The following IL1RAPL1 variants were observed in gnomAD, a reference collection of about 807,000 sequenced individuals.
IL1RAPL1 encodes the protein interleukin-1 receptor accessory protein-like 1.
IL1RAPL1 carries 3 observed loss-of-function variants against 48.4 expected under a neutral mutation model. The observed-to-expected ratio is 0.06, with a 90% CI of 0.03 to 0.16. IL1RAPL1 has a LOEUF of 0.16. Among genes scored for constraint, IL1RAPL1 ranks in the 10% least tolerant of loss-of-function variants. The probability of loss-of-function intolerance (pLI) is 1.00; values close to 1 mark genes in which losing one functional copy is unlikely to be tolerated. For synonymous variants in IL1RAPL1, 185 were observed against 187.7 expected (o/e 0.99, Z 0.12); for missense variants, 349 against 530.6 (o/e 0.66, Z 3.36).
intron 1 of IL1RAPL1, among the ~76,000 whole-genome samples, chrX:28,620,822 T>C (rs1314182406): frequency 8.9e-6 from 1 of 112,161 alleles, no homozygotes; most frequent in Non-Finnish European, 1.9e-5. Flanking sequence ...AGGCATCAAC[T>C]TCATTTACCT....
At chrX:28,824,452 C>A (rs1936970507) in intron 2 of IL1RAPL1, among the ~76,000 whole-genome samples, 1 of 110,789 alleles carries the variant, frequency 9.0e-6, no homozygotes, top group African/African-American at 3.3e-5. Flanking sequence ...ACCACAAATC[C>A]TATGTGTCTC....
intron 5 of IL1RAPL1, among the ~76,000 whole-genome samples, chrX:29,566,001 T>C (rs1922389293): frequency 9.1e-6 from 1 of 109,386 alleles, no homozygotes; most frequent in South Asian, 3.9e-4. Context: ...CAGGCTAGAG[T>C]GCAGCGTCGC....
intron 5 of IL1RAPL1, among the ~76,000 whole-genome samples, chrX:29,486,946 T>C (rs1269068351): frequency 9.0e-6 from 1 of 111,664 alleles, no homozygotes; most frequent in Admixed American, 9.5e-5. Context: ...CAACAACAAA[T>C]TGTGATTCAG....
At chrX:29,391,068 G>A (rs1244131628) in intron 3 of IL1RAPL1, among the ~76,000 whole-genome samples, 2 of 110,269 alleles carry the variant, frequency 1.8e-5, no homozygotes, top group African/African-American at 3.3e-5. Flanking sequence ...CAGCTATTCC[G>A]GAGGCTGAGG....
chrX:28,699,804 A>G (rs16988307), intron 1 of IL1RAPL1, among the ~76,000 whole-genome samples: 1,214 of 112,154 alleles, frequency 0.011, 12 homozygotes, highest in African/African-American at 0.037. Flanking sequence ...TGAACAGAGT[A>G]GCAGATGAAT....
chrX:29,846,757 T>C (rs1931254176), intron 6 of IL1RAPL1, among the ~76,000 whole-genome samples: 1 of 94,508 alleles, frequency 1.1e-5, no homozygotes, highest in South Asian at 4.8e-4. Context: ...ACAGTCTATA[T>C]ATATATATAT....
intron 2 of IL1RAPL1, among the ~76,000 whole-genome samples, chrX:29,205,023 G>A (rs963566028): frequency 3.6e-5 from 4 of 111,997 alleles, no homozygotes; most frequent in African/African-American, 9.7e-5. Flanking sequence ...AAATTTAAGG[G>A]AACTGGTGTC....
chrX:29,820,298 A>G (rs1930585429), intron 6 of IL1RAPL1, among the ~76,000 whole-genome samples: 2 of 111,080 alleles, frequency 1.8e-5, no homozygotes, highest in Admixed American at 1.9e-4. Flanking sequence ...GGTATTTGTC[A>G]CTAATAGATG....
intron 2 of IL1RAPL1, among the ~76,000 whole-genome samples, chrX:29,073,875 A>G (rs906483656): frequency 1.8e-4 from 20 of 111,662 alleles, no homozygotes; most frequent in African/African-American, 4.9e-4. Context: ...AGAAAAGTGA[A>G]GTCACCTGCC....
At chrX:29,689,659 A>G (rs1926724089) in intron 6 of IL1RAPL1, among the ~76,000 whole-genome samples, 1 of 112,252 alleles carries the variant, frequency 8.9e-6, no homozygotes, top group African/African-American at 3.2e-5. Context: ...CATTGCTGAA[A>G]GACCAGCATT....
chrX:29,711,231 T>A (rs1262107392), intron 6 of IL1RAPL1, among the ~76,000 whole-genome samples: 1 of 104,140 alleles, frequency 9.6e-6, no homozygotes, highest in Non-Finnish European at 2.0e-5. Context: ...TTGCCCAGGC[T>A]GGAGTGCAAT....
chrX:28,815,056 A>G (rs1936846256), intron 2 of IL1RAPL1, among the ~76,000 whole-genome samples: 1 of 110,621 alleles, frequency 9.0e-6, no homozygotes, highest in South Asian at 3.8e-4. Flanking sequence ...TGTTACTATT[A>G]TTAAAATTAG....
At chrX:29,907,830 CTTGGGAATGGATTT>C (rs758812950) in intron 6 of IL1RAPL1, among the ~76,000 whole-genome samples, 1 of 94,273 alleles carries the variant, frequency 1.1e-5, no homozygotes, top group Non-Finnish European at 2.0e-5. Flanking sequence ...TAAAATGTAA[CTTGGGAATGGATTT>C]GTTTAATTGT....
intron 5 of IL1RAPL1, among the ~76,000 whole-genome samples, chrX:29,648,093 G>C (rs1043254310): frequency 8.9e-6 from 1 of 111,890 alleles, no homozygotes; most frequent in African/African-American, 3.2e-5. Flanking sequence ...TCAGCAAGAG[G>C]ATGTAATGAT....
intron 5 of IL1RAPL1, among the ~76,000 whole-genome samples, chrX:29,535,708 A>G (rs1921207539): frequency 8.9e-6 from 1 of 112,258 alleles, no homozygotes; most frequent in South Asian, 3.7e-4. Flanking sequence ...TAAAATATTG[A>G]ACTAGTACTT....
chrX:29,408,679 A>T (rs1934104876), intron 5 of IL1RAPL1, among the ~76,000 whole-genome samples: 1 of 111,957 alleles, frequency 8.9e-6, no homozygotes, highest in African/African-American at 3.2e-5. Context: ...ACAGCAGAAT[A>T]TTCAAACTAC....
chrX:28,614,684 A>C (rs752233843), intron 1 of IL1RAPL1, among the ~76,000 whole-genome samples: 1 of 111,373 alleles, frequency 9.0e-6, no homozygotes, highest in East Asian at 2.8e-4. Context: ...ATAATTTAAT[A>C]AATTACTAAT....
intron 5 of IL1RAPL1, among the ~76,000 whole-genome samples, chrX:29,453,900 C>CT (rs1481624754): frequency 9.8e-5 from 11 of 112,450 alleles, no homozygotes; most frequent in African/African-American, 3.6e-4. Flanking sequence ...TCTGCATCAT[C>CT]TATGTGTTCT....
At chrX:29,905,041 C>CCTGA (rs1453795594) in intron 6 of IL1RAPL1, among the ~76,000 whole-genome samples, 1 of 111,983 alleles carries the variant, frequency 8.9e-6, no homozygotes, top group Non-Finnish European at 1.9e-5. Flanking sequence ...TCTATTGTTT[C>CCTGA]CTGACTACTT....
Sources: gnomAD v4.1 joint callset for allele counts (sites outside exome capture counted in the v4.1 genomes callset) on GRCh38, gnomAD v4.1.1 for gene constraint, MANE v1.5 for transcripts, NCBI Gene and HGNC (gene_info 2026-07-23, HGNC 2026-07-21) for gene names.